ZNF277: variants seen among roughly 807,000 people sequenced by gnomAD.
ZNF277 encodes the protein zinc finger protein 277, also known as nuclear receptor-interacting factor 4.
A neutral mutation model predicts 60.7 loss-of-function variants in ZNF277; 55 were observed. The observed-to-expected ratio is 0.91, with a 90% CI of 0.73 to 1.13. The LOEUF is 1.13. Ranked by LOEUF, ZNF277 falls within the 50% of genes most tolerant of loss-of-function variation. The pLI, the probability that ZNF277 is intolerant of heterozygous loss-of-function variation, is 0.00. For synonymous variants in ZNF277, 178 were observed against 179.3 expected (o/e 0.99, Z 0.06); for missense variants, 510 against 523.0 (o/e 0.98, Z 0.24).
chr7:112,238,610 C>G (rs373955051), intron 1 of ZNF277, among the ~76,000 whole-genome samples: 1 of 150,690 alleles, frequency 6.6e-6, no homozygotes, highest in Admixed American at 6.6e-5. Flanking sequence ...CCCACCCCAA[C>G]CCTATGCATC....
chr7:112,224,683 A>G (rs1406242494), intron 1 of ZNF277, among the ~76,000 whole-genome samples: 4 of 152,238 alleles, frequency 2.6e-5, no homozygotes, highest in African/African-American at 9.6e-5. Flanking sequence ...AGGATTCTTG[A>G]TAAAACTGAA....
At chr7:112,219,251 A>G (rs1219489172) in intron 1 of ZNF277, among the ~76,000 whole-genome samples, 1 of 152,062 alleles carries the variant, frequency 6.6e-6, no homozygotes, top group Non-Finnish European at 1.5e-5. Context: ...TTTTTCCTTT[A>G]GTTGCCTGTG....
rs552536736 is a variant in ZNF277, at chr7:112,327,095, T to C, written c.558-622T>C. On this transcript the variant is annotated intron_variant, in intron 5 of 11. Coordinates refer to ENST00000361822, the MANE Select transcript of ZNF277 (RefSeq NM_021994.3). ...CCTGTGATCTTAGGTCATAGCTGGT[T>C]GTATTTTCTGTTAGGCAGTTGCCTC... Among the ~76,000 whole-genome samples, 3 of 152,316 alleles carry C rather than the reference T, an allele frequency of 2.0e-5. No homozygotes were observed. In the South Asian group the frequency reaches 6.2e-4, roughly 32 times the overall value.
chr7:112,262,211 A>T (rs1052513094), intron 1 of ZNF277, among the ~76,000 whole-genome samples: 1 of 147,938 alleles, frequency 6.8e-6, no homozygotes, highest in Non-Finnish European at 1.5e-5. Flanking sequence ...TTCATGCCCT[A>T]TCTTCCAAAT....
Position 112,331,007 on chromosome 7 carries a change from G to A in ZNF277, c.801+791G>A, listed in dbSNP as rs541146022. Among the ~76,000 whole-genome samples, 5 of 152,304 alleles carry A rather than the reference G, an allele frequency of 3.3e-5. No individual in the cohort carries two copies. In the East Asian group the frequency reaches 7.7e-4, roughly 23 times the overall value. ...TTCCCCTTCACCCCTACAAAAGTGT[G>A]TATCTTTATCATTCTCTTCAGTCAG... On this transcript the variant is annotated intron_variant, in intron 7 of 11. Coordinates refer to ENST00000361822, the MANE Select transcript of ZNF277 (RefSeq NM_021994.3).
chr7:112,286,841 CTTTTTTTT>C (rs10710470), intron 1 of ZNF277, 24 bp from the exon 2 acceptor site: 22 of 947,848 alleles, frequency 2.3e-5, no homozygotes, highest in African/African-American at 2.9e-5. Flanking sequence ...TTCTTTCTTT[CTTTTTTTT>C]TTTTTTTTTT....
chr7:112,304,550 T>C (rs2117090404), intron 4 of ZNF277, among the ~76,000 whole-genome samples: 1 of 152,314 alleles, frequency 6.6e-6, no homozygotes, highest in East Asian at 1.9e-4. Flanking sequence ...GTTTCCATTT[T>C]ACTTTATTAA....
intron 5 of ZNF277, among the ~76,000 whole-genome samples, chr7:112,324,683 G>A (rs1027449525): frequency 6.6e-6 from 1 of 152,104 alleles, no homozygotes; most frequent in African/African-American, 2.4e-5. Context: ...TTTTGAATTA[G>A]CTAGCAAACC....
Position 112,292,827 on chromosome 7 carries a change from G to A in ZNF277, c.294-3042G>A, listed in dbSNP as rs115466957. ...TAGCCACCTATATGTGCCCTCTGAC[G>A]CTATTAATATAACTATTTTGTCTTT... On this transcript the variant is annotated intron_variant, in intron 2 of 11. Transcript: ENST00000361822. Among the ~76,000 whole-genome samples, 1,430 of 152,112 alleles carry A rather than the reference G, an allele frequency of 9.4e-3. 16 individuals are homozygous for A. Among genetic ancestry groups the A allele is most frequent in the African/African-American group, 0.032 (1,337 of 41,476 alleles).
At chr7:112,210,284 T>C (rs548401324) in intron 1 of ZNF277, among the ~76,000 whole-genome samples, 1 of 152,208 alleles carries the variant, frequency 6.6e-6, no homozygotes, top group East Asian at 1.9e-4. Flanking sequence ...AGGAAGACTT[T>C]TTATAGAAAT....
chr7:112,305,021 T>C (rs2117091005), intron 4 of ZNF277, among the ~76,000 whole-genome samples: 1 of 152,274 alleles, frequency 6.6e-6, no homozygotes, highest in East Asian at 1.9e-4. Context: ...TATGTCTGTG[T>C]TCCTCAAACA....
rs565089069 is a variant in ZNF277 at position 112,334,557 on chromosome 7, A to G, written c.802-1547A>G. On this transcript the variant is annotated intron_variant, in intron 7 of 11. Transcript: ENST00000361822. ...AACATGTACATTCATTTTCCTCTCA[A>G]GTGGGGTAAGTGGTTAATGCTGTGT... Among the ~76,000 whole-genome samples, 59 of 152,176 alleles carry G rather than the reference A, an allele frequency of 3.9e-4. 1 individual carries two copies. Among genetic ancestry groups the G allele is most frequent in the Admixed American group, 7.2e-4 (11 of 15,274 alleles).
intron 1 of ZNF277, among the ~76,000 whole-genome samples, chr7:112,260,350 A>T (rs1345973559): frequency 1.3e-5 from 2 of 152,182 alleles, no homozygotes; most frequent in Non-Finnish European, 2.9e-5. Flanking sequence ...TTTAGCTTTC[A>T]TTGCTTTGTT....
intron 1 of ZNF277, among the ~76,000 whole-genome samples, chr7:112,227,376 A>G (rs1822203065): frequency 6.6e-6 from 1 of 152,252 alleles, no homozygotes; most frequent in Non-Finnish European, 1.5e-5. Flanking sequence ...GAATTACAGC[A>G]GATTCTGAGA....
At chr7:112,309,770 C>A (rs1313410423) in intron 4 of ZNF277, among the ~76,000 whole-genome samples, 1 of 152,038 alleles carries the variant, frequency 6.6e-6, no homozygotes, top group Non-Finnish European at 1.5e-5. Flanking sequence ...TTCTCACCAT[C>A]TGGCTACAAA....
intron 6 of ZNF277, 86 bp from the exon 7 acceptor site, chr7:112,329,998 A>G (rs1018580563): frequency 1.4e-6 from 2 of 1,442,092 alleles, no homozygotes; most frequent in Non-Finnish European, 1.9e-6. Context: ...CCTAAAATGA[A>G]TAAATATGAA....
intron 1 of ZNF277, among the ~76,000 whole-genome samples, chr7:112,259,375 A>G (rs1165788762): frequency 6.6e-6 from 1 of 152,184 alleles, no homozygotes; most frequent in Non-Finnish European, 1.5e-5. Flanking sequence ...CACCTAACTA[A>G]TTAGCATAAG....
chr7:112,313,197 T>G (rs1003192008), intron 4 of ZNF277, among the ~76,000 whole-genome samples: 2 of 152,152 alleles, frequency 1.3e-5, no homozygotes, highest in African/African-American at 4.8e-5. Context: ...ATTCGTTTCC[T>G]TATTATGACT....
chr7:112,339,099 G>C (rs1793391313), intron 9 of ZNF277, among the ~76,000 whole-genome samples: 1 of 152,204 alleles, frequency 6.6e-6, no homozygotes, highest in Non-Finnish European at 1.5e-5. Flanking sequence ...GTATTTGACA[G>C]CATAAAATGA....
Sources: gnomAD v4.1 joint callset for allele counts (sites outside exome capture counted in the v4.1 genomes callset) on GRCh38, gnomAD v4.1.1 for gene constraint, MANE v1.5 for transcripts, NCBI Gene and HGNC (gene_info 2026-07-23, HGNC 2026-07-21) for gene names.